Variants in ATG3 observed in about 807,000 individuals in gnomAD.
ATG3 encodes autophagy related 3.
In ATG3, 25 loss-of-function variants were observed where a neutral mutation model predicts 50.7. That is an observed-to-expected ratio of 0.49 (90% CI 0.36 to 0.69). The LOEUF (loss-of-function observed/expected upper bound fraction) is 0.69, where lower values mean the gene tolerates loss of function less well. Among genes scored for constraint, ATG3 ranks in the 30% least tolerant of loss-of-function variants. The pLI is 0.00. For missense variants in ATG3, 281 were observed against 376.0 expected, an observed-to-expected ratio of 0.75 and a Z score of 2.09; for synonymous variants, 119 against 125.5, an observed-to-expected ratio of 0.95 and a Z score of 0.34.
intron 11 of ATG3, 190 bp from the exon 12 acceptor site, chr3:112,532,970 G>C (rs2082566873): frequency 1.6e-6 from 2 of 1,238,008 alleles, no homozygotes; most frequent in East Asian, 7.3e-5. Context: ...AAGACTACCT[G>C]ACCACTCATT....
At position 112,558,437 on chromosome 3, in the gene ATG3, AAAC is replaced by A. The variant is rs1933746074; in HGVS notation, c.73-23_73-21del. 2 of 1,541,888 alleles carry A rather than the reference AAAC, an allele frequency of 1.3e-6. No homozygotes were observed. The highest frequency in any genetic ancestry group is 1.4e-5 in the African/African-American group (1 of 73,308). ...TGATTCCTAAAAAAAGCAGAAAGAAAAACAATATTATATCATGTTTCACTATCA... is the reference window on the plus strand; with the variant it reads ...TGATTCCTAAAAAAAGCAGAAAGAAAAATATTATATCATGTTTCACTATCA... On this transcript the variant is annotated intron_variant, in intron 1 of 11. Transcript: ENST00000283290.
chr3:112,555,594 C>A (rs2107389252), intron 2 of ATG3, among the ~76,000 whole-genome samples: 1 of 152,276 alleles, frequency 6.6e-6, no homozygotes, highest in East Asian at 1.9e-4. Context: ...TACTGCCACA[C>A]CTCTGAATGA....
At chr3:112,552,862 G>A (rs1412185910) in intron 3 of ATG3, among the ~76,000 whole-genome samples, 1 of 151,980 alleles carries the variant, frequency 6.6e-6, no homozygotes, top group Non-Finnish European at 1.5e-5. Context: ...TAGCCAGGAT[G>A]GTCTCCATCT....
chr3:112,544,943 T>C (rs1177476958), intron 5 of ATG3, among the ~76,000 whole-genome samples: 4 of 152,178 alleles, frequency 2.6e-5, no homozygotes, highest in East Asian at 3.8e-4. Context: ...GTTTTGGCTT[T>C]TGGAACATTT....
rs756063550 is a variant in ATG3 at position 112,548,505 on chromosome 3, AAT to A, written c.343+26_343+27del. On this transcript the variant is annotated intron_variant, in intron 5 of 11. Transcript: ENST00000283290. Reference sequence around the variant, plus strand: ...TTGTGAAAGAGTTTAATTTAAACTAAATATATGTCATTTTATTCTCCTCTTAC... The same window carrying A: ...TTGTGAAAGAGTTTAATTTAAACTAAATATGTCATTTTATTCTCCTCTTAC... 37 of 1,539,470 alleles carry A rather than the reference AAT, an allele frequency of 2.4e-5. 1 individual carries two copies. The highest frequency in any genetic ancestry group is 4.5e-5 in the South Asian group (4 of 89,368).
intron 11 of ATG3, 105 bp downstream of exon 11, chr3:112,534,159 GAAGTT>G (rs754165598): frequency 3.4e-6 from 5 of 1,478,298 alleles, no homozygotes; most frequent in Non-Finnish European, 4.5e-6. Flanking sequence ...TTTCAGATGA[GAAGTT>G]AAAACAAGTT....
At chr3:112,537,607 A>G (rs1212322849) in intron 9 of ATG3, 128 bp downstream of exon 9, 1 of 649,532 alleles carries the variant, frequency 1.5e-6, no homozygotes, top group African/African-American at 1.9e-5. Context: ...ATTAATCATA[A>G]AACTGTAAAA....
Position 112,557,531 on chromosome 3 carries a change from T to C in ATG3, c.114+845A>G, listed in dbSNP as rs1023959294. Among the ~76,000 whole-genome samples the C allele has an allele frequency of 4.6e-5, 7 of 152,138 alleles. No homozygotes were observed. In the South Asian group the frequency reaches 8.3e-4, roughly 18 times the overall value. On this transcript the variant is annotated intron_variant, in intron 2 of 11. Transcript: ENST00000283290. The stretch of plus-strand genomic sequence containing the variant: ...TACTTGGGAGGCTGAGGCAGGAGAA[T>C]TGCTTGAACCCAGGAGGCAGAGGCT...
In ATG3 at chr3:112,561,463, G is replaced by A; in HGVS notation, c.66C>T (p.Val22=). 1 of 1,613,518 alleles carries A rather than the reference G, an allele frequency of 6.2e-7. No individual in the cohort carries two copies. The highest frequency in any genetic ancestry group is 1.3e-5 in the African/African-American group (1 of 75,054). The change falls in exon 1 of 12, where the codon GTC becomes GTT. Residue 22 remains valine (V), a synonymous_variant. Transcript: ENST00000283290. ...ALEVAEYLTP[V]LKESKFKETG... ...CAACCCTGGCCTGGCTTACCTTGAG[G>A]ACCGGGGTCAGGTACTCAGCCACTT...
At chr3:112,545,256 A>G (rs1933341555) in intron 5 of ATG3, among the ~76,000 whole-genome samples, 1 of 152,218 alleles carries the variant, frequency 6.6e-6, no homozygotes, top group Admixed American at 6.5e-5. Flanking sequence ...TACGGGGCAA[A>G]TACCTCAAAA....
chr3:112,539,290 T>G (rs73229350), intron 7 of ATG3, among the ~76,000 whole-genome samples: 1 of 152,162 alleles, frequency 6.6e-6, no homozygotes, highest in Non-Finnish European at 1.5e-5. Context: ...GTCAAGACCT[T>G]ATAGAATCTG....
chr3:112,550,730 T>C (rs1436944291), intron 3 of ATG3, among the ~76,000 whole-genome samples: 3 of 152,216 alleles, frequency 2.0e-5, no homozygotes, highest in Non-Finnish European at 4.4e-5. Context: ...TCCCTGTTCC[T>C]ATCACTGGAT....
chr3:112,544,781 C>A (rs936245499), intron 5 of ATG3, among the ~76,000 whole-genome samples: 1 of 151,794 alleles, frequency 6.6e-6, no homozygotes, highest in East Asian at 1.9e-4. Flanking sequence ...GCTGATTATC[C>A]CTTATCTGAA....
rs2107400581 is a variant in ATG3 at position 112,561,629 on chromosome 3, TCAGCACCCGGCTGG to T, written c.-115_-102del. The T allele has an allele frequency of 5.7e-6, 7 of 1,236,468 alleles. No homozygotes were observed. Among genetic ancestry groups the T allele is most frequent in the Non-Finnish European group, 5.7e-6 (5 of 882,332 alleles). 76.6% of individuals were successfully genotyped at this position (1,236,468 alleles called of 1,614,324 possible). A position where few individuals can be genotyped will look rare whatever the true frequency, so the allele number is the denominator to read the frequency against. On this transcript the variant is annotated 5_prime_UTR_variant, in exon 1 of 12. Transcript: ENST00000283290. ...ATGTCCTCGCTGCCACCGACTCGCA[TCAGCACCCGGCTGG>T]CAGCACCCGAGGGGACGGGACGCGA...
chr3:112,532,680 A>G lies in ATG3; in HGVS notation c.*19T>C. 4 of 1,520,098 alleles carry G rather than the reference A, an allele frequency of 2.6e-6. No homozygotes were observed. The highest frequency in any genetic ancestry group is 3.6e-6 in the Non-Finnish European group (4 of 1,123,428). 94.2% of individuals were successfully genotyped at this position (1,520,098 alleles called of 1,614,324 possible). On this transcript the variant is annotated 3_prime_UTR_variant, in exon 12 of 12. Transcript: ENST00000283290. ...AAAAATCAGAACCAATAATTAGGAT[A>G]GATTTTATGCTCTCTTCATTACATT...
In ATG3 at chr3:112,532,683, T is replaced by G; in HGVS notation, c.*16A>C. The G allele has an allele frequency of 6.5e-7, 1 of 1,536,016 alleles. No individual in the cohort carries two copies. Among genetic ancestry groups the G allele is most frequent in the East Asian group, 2.3e-5 (1 of 42,982 alleles). On this transcript the variant is annotated 3_prime_UTR_variant, in exon 12 of 12. Transcript: ENST00000283290. The stretch of plus-strand genomic sequence containing the variant: ...AATCAGAACCAATAATTAGGATAGA[T>G]TTTATGCTCTCTTCATTACATTGTG...
At chr3:112,557,624 A>G (rs1933726206) in intron 2 of ATG3, among the ~76,000 whole-genome samples, 1 of 152,200 alleles carries the variant, frequency 6.6e-6, no homozygotes, top group South Asian at 2.1e-4. Context: ...CTCAAGAAAA[A>G]AAAATTAAAA....
At chr3:112,553,681 A>G (rs532042785) in intron 2 of ATG3, among the ~76,000 whole-genome samples, 42 of 152,374 alleles carry the variant, frequency 2.8e-4, no homozygotes, top group South Asian at 8.3e-4. Flanking sequence ...GTCAAAATCC[A>G]TTTTAAGGAT....
chr3:112,536,603 C>A lies in ATG3; in HGVS notation c.667-1G>T. On this transcript the variant is annotated splice_acceptor_variant, in intron 9 of 11. Transcript: ENST00000283290. LOFTEE classifies it high-confidence loss of function. ...GCTCAACTGTTAAAGGCTGCCGTTG[C>A]TGAAAGCATAAAAAATGCTTTGAAA... 1.2e-6 allele frequency: 2 copies of A among 1,613,896 alleles called. No individual in the cohort carries two copies. The highest frequency in any genetic ancestry group is 1.7e-6 in the Non-Finnish European group (2 of 1,179,878).
Sources: allele counts gnomAD v4.1 joint callset (sites outside exome capture counted in the v4.1 genomes callset), GRCh38; gene constraint gnomAD v4.1.1; transcripts MANE v1.5; gene names NCBI Gene and HGNC (gene_info 2026-07-23, HGNC 2026-07-21).